CSMD1: variants seen among roughly 807,000 people sequenced by gnomAD.
The protein encoded by CSMD1 is CUB and Sushi multiple domains 1, also known as CUB and sushi domain-containing protein 1.
In CSMD1, 213 loss-of-function variants were observed where a neutral mutation model predicts 417.5. The observed-to-expected ratio is 0.51, with a 90% CI of 0.46 to 0.57. The LOEUF is 0.57. Ranked by LOEUF, CSMD1 falls within the 20% of genes least tolerant of loss-of-function variation. The probability of loss-of-function intolerance (pLI) is 0.00; values close to 1 mark genes in which losing one functional copy is unlikely to be tolerated. For missense variants in CSMD1, 6,923 were observed against 4,529.7 expected (o/e 1.53, Z -15.17); for synonymous variants, 2,862 against 1,736.8 (o/e 1.65, Z -16.11).
intron 1 of CSMD1, among the ~76,000 whole-genome samples, chr8:4,839,045 G>T (rs1345063098): frequency 1.3e-5 from 2 of 152,016 alleles, no homozygotes; most frequent in Admixed American, 1.3e-4. Flanking sequence ...TTTGGAATTG[G>T]TTTTTTGCCT....
chr8:4,480,557 C>A (rs899226292), intron 2 of CSMD1, among the ~76,000 whole-genome samples: 1 of 152,204 alleles, frequency 6.6e-6, no homozygotes, highest in Non-Finnish European at 1.5e-5. Flanking sequence ...AAGCGGAGGT[C>A]CTGTTACTGC....
At chr8:3,505,416 C>T (rs923619289) in intron 10 of CSMD1, among the ~76,000 whole-genome samples, 5 of 151,868 alleles carry the variant, frequency 3.3e-5, no homozygotes, top group Non-Finnish European at 7.4e-5. Context: ...TAATTATGGG[C>T]GCAGAATCAA....
At chr8:4,183,848 C>T (rs1377109208) in intron 3 of CSMD1, among the ~76,000 whole-genome samples, 3 of 152,164 alleles carry the variant, frequency 2.0e-5, no homozygotes, top group Non-Finnish European at 4.4e-5. Flanking sequence ...TGCCCACCTA[C>T]CACTTAAAAC....
intron 3 of CSMD1, among the ~76,000 whole-genome samples, chr8:4,119,051 C>G (rs191397271): frequency 4.6e-5 from 7 of 151,986 alleles, no homozygotes; most frequent in Non-Finnish European, 8.8e-5. Context: ...TGAGAACACA[C>G]GGACACAGGG....
chr8:4,185,886 G>C (rs1243993892), intron 3 of CSMD1, among the ~76,000 whole-genome samples: 2 of 152,158 alleles, frequency 1.3e-5, no homozygotes, highest in Non-Finnish European at 2.9e-5. Flanking sequence ...CTAAGATCAC[G>C]GCTTTCCTGT....
At chr8:4,177,156 C>T (rs773726568) in intron 3 of CSMD1, among the ~76,000 whole-genome samples, 1 of 152,122 alleles carries the variant, frequency 6.6e-6, no homozygotes, top group South Asian at 2.1e-4. Context: ...CACACCTATT[C>T]CAAAATTGAC....
At chr8:3,668,453 G>C (rs1396053744) in intron 7 of CSMD1, among the ~76,000 whole-genome samples, 1 of 152,116 alleles carries the variant, frequency 6.6e-6, no homozygotes. Context: ...GGTTTATTCA[G>C]GTGGAGAGAT....
intron 5 of CSMD1, among the ~76,000 whole-genome samples, chr8:3,893,343 A>ATATG (rs1807118785): frequency 8.4e-6 from 1 of 118,368 alleles, no homozygotes; most frequent in South Asian, 2.8e-4. Context: ...ACAATTTTAT[A>ATATG]TATATATATA....
At chr8:4,441,008 A>AT (rs897397448) in intron 2 of CSMD1, among the ~76,000 whole-genome samples, 20 of 149,096 alleles carry the variant, frequency 1.3e-4, no homozygotes, top group African/African-American at 4.4e-4. Flanking sequence ...AAAAAAAAAA[A>AT]TTAAAAATAT....
intron 3 of CSMD1, among the ~76,000 whole-genome samples, chr8:4,208,492 T>G (rs1252914073): frequency 6.6e-6 from 1 of 152,358 alleles, no homozygotes; most frequent in African/African-American, 2.4e-5. Flanking sequence ...ATCTGCGTTC[T>G]GTAGTTTATT....
intron 12 of CSMD1, among the ~76,000 whole-genome samples, chr8:3,465,513 TG>T (rs920068020): frequency 1.3e-5 from 2 of 152,180 alleles, no homozygotes; most frequent in East Asian, 1.9e-4. Context: ...CAGGGGGTAG[TG>T]GGGGTGCCAG....
intron 26 of CSMD1, among the ~76,000 whole-genome samples, chr8:3,251,230 T>A (rs1286113421): frequency 6.6e-6 from 1 of 152,202 alleles, no homozygotes; most frequent in African/African-American, 2.4e-5. Context: ...CATCTTGAAT[T>A]AATTTTTGTA....
chr8:3,439,817 T>A (rs1814854152), intron 12 of CSMD1, among the ~76,000 whole-genome samples: 1 of 152,192 alleles, frequency 6.6e-6, no homozygotes, highest in Non-Finnish European at 1.5e-5. Context: ...TTATCCATTT[T>A]GAGTAGATTT....
At chr8:4,135,561 A>G (rs927626839) in intron 3 of CSMD1, among the ~76,000 whole-genome samples, 9 of 152,336 alleles carry the variant, frequency 5.9e-5, no homozygotes, top group East Asian at 1.9e-4. Context: ...CAAATATTAA[A>G]TAAGAAGAAA....
intron 12 of CSMD1, among the ~76,000 whole-genome samples, chr8:3,439,730 G>A (rs1213228006): frequency 3.3e-5 from 5 of 151,922 alleles, no homozygotes; most frequent in Non-Finnish European, 7.4e-5. Context: ...AGAAATATTT[G>A]CCTAGTCTCA....
intron 1 of CSMD1, among the ~76,000 whole-genome samples, chr8:4,744,139 A>C (rs542666468): frequency 1.2e-3 from 176 of 152,276 alleles, no homozygotes; most frequent in Non-Finnish European, 2.2e-3. Flanking sequence ...CAGGGACGCC[A>C]ATTTCTTTGG....
intron 3 of CSMD1, among the ~76,000 whole-genome samples, chr8:4,202,023 G>C (rs749278655): frequency 1.1e-4 from 17 of 152,064 alleles, no homozygotes; most frequent in South Asian, 2.1e-4. Flanking sequence ...GAAGAAACGA[G>C]GACATTGGAA....
At chr8:4,145,845 G>C (rs1167086207) in intron 3 of CSMD1, among the ~76,000 whole-genome samples, 2 of 151,146 alleles carry the variant, frequency 1.3e-5, no homozygotes, top group African/African-American at 2.5e-5. Context: ...AAGCAGAGCC[G>C]TTCACACCAG....
intron 2 of CSMD1, among the ~76,000 whole-genome samples, chr8:4,449,801 A>G (rs1038724291): frequency 1.3e-5 from 2 of 152,148 alleles, no homozygotes; most frequent in Admixed American, 6.5e-5. Context: ...TTTACATAAC[A>G]GAGCCCTGCA....
Sources: gnomAD v4.1 joint callset for allele counts (sites outside exome capture counted in the v4.1 genomes callset) on GRCh38, gnomAD v4.1.1 for gene constraint, MANE v1.5 for transcripts, NCBI Gene and HGNC (gene_info 2026-07-23, HGNC 2026-07-21) for gene names.